Variants in CCPG1 observed in about 807,000 individuals in gnomAD.
CCPG1 encodes the protein cell cycle progression protein 1.
In CCPG1, 46 loss-of-function variants were observed where a neutral mutation model predicts 81.3. The ratio of observed to expected loss-of-function variants is 0.57; its 90% confidence interval spans 0.45 to 0.72. The LOEUF (loss-of-function observed/expected upper bound fraction) is 0.72. Among genes scored for constraint, CCPG1 ranks in the 30% least tolerant of loss-of-function variants. The pLI is 0.00. For missense variants in CCPG1, 902 were observed against 937.6 expected (o/e 0.96, Z 0.50); for synonymous variants, 330 against 305.2 (o/e 1.08, Z -0.85).
Position 55,359,634 on chromosome 15 carries a change from T to A in CCPG1, c.2139A>T (p.Glu713Asp), listed in dbSNP as rs777297698. The A allele has an allele frequency of 3.7e-6, 6 of 1,613,296 alleles. No homozygotes were observed. In the African/African-American group the frequency reaches 8.0e-5, roughly 22 times the overall value. The stretch of plus-strand genomic sequence containing the variant: ...ATACTCCATCATTATCTACTTCATA[T>A]TCCTTCATGTTTCTAAGATAATCTT... The part of the protein sequence containing the change: ...DVKDYLRNMK[E>D]YEVDNDGVFE... Residue 713 changes from glutamate to aspartate, a missense_variant, in exon 8 of 9, where the codon GAA becomes GAT. Glu to Asp is a conservative substitution (Grantham distance 45, BLOSUM62 2). Coordinates refer to ENST00000442196, the MANE Select transcript of CCPG1 (RefSeq NM_001204450.2).
Position 55,403,182 on chromosome 15 carries a change from A to G in CCPG1, c.-10+5039T>C, listed in dbSNP as rs763332772. Among the ~76,000 whole-genome samples, 133 of 152,316 alleles carry G rather than the reference A, an allele frequency of 8.7e-4. 1 individual carries two copies. The highest frequency in any genetic ancestry group is 1.6e-3 in the Non-Finnish European group (110 of 68,028). On this transcript the variant is annotated intron_variant, in intron 1 of 8. Transcript: ENST00000442196. ...ACTTACAAAGCAATTTCATTTTCAT[A>G]TCTGATTTAATCTTCACAAATACCC...
At chr15:55,404,630 G>C (rs2057182561) in intron 1 of CCPG1, among the ~76,000 whole-genome samples, 1 of 152,174 alleles carries the variant, frequency 6.6e-6, no homozygotes, top group South Asian at 2.1e-4. Context: ...AAAGAAACCA[G>C]ATCAAAAGAT....
intron 1 of CCPG1, among the ~76,000 whole-genome samples, chr15:55,399,094 C>A (rs1595866383): frequency 6.6e-6 from 1 of 151,944 alleles, no homozygotes; most frequent in Non-Finnish European, 1.5e-5. Context: ...AAGAAAAGTA[C>A]TTTTTGAAGA....
At chr15:55,362,855 C>T (rs968399441) in intron 7 of CCPG1, among the ~76,000 whole-genome samples, 3 of 142,696 alleles carry the variant, frequency 2.1e-5, no homozygotes, top group African/African-American at 9.0e-5. Flanking sequence ...GCCTGGGCAA[C>T]ATAGTGAGAC....
chr15:55,384,472 C>T (rs979883549), intron 3 of CCPG1, among the ~76,000 whole-genome samples: 1 of 152,084 alleles, frequency 6.6e-6, no homozygotes, highest in Admixed American at 6.6e-5. Context: ...CCAGGCTAAC[C>T]AACATGATGA....
intron 8 of CCPG1, 141 bp downstream of exon 8, chr15:55,359,398 T>G: frequency 7.0e-7 from 1 of 1,418,866 alleles, no homozygotes. Flanking sequence ...ATCTTTCAAT[T>G]TATTCTGAAT....
intron 6 of CCPG1, 60 bp from the exon 7 acceptor site, chr15:55,365,369 G>T: frequency 1.0e-5 from 10 of 959,376 alleles, no homozygotes; most frequent in South Asian, 3.2e-5. Context: ...AATGTTTTAT[G>T]TATTTTTTAA....
chr15:55,373,599 C>G (rs2056498887), intron 5 of CCPG1, among the ~76,000 whole-genome samples: 1 of 152,076 alleles, frequency 6.6e-6, no homozygotes. Context: ...TCTGGTTATT[C>G]TTGATCACTA....
At chr15:55,395,795 T>C (rs1021063135) in intron 1 of CCPG1, among the ~76,000 whole-genome samples, 1 of 152,146 alleles carries the variant, frequency 6.6e-6, no homozygotes, top group Non-Finnish European at 1.5e-5. Context: ...TAAATACATA[T>C]TAAGCAATCA....
Position 55,360,430 on chromosome 15 carries a change from C to G in CCPG1, c.1343G>C (p.Trp448Ser), listed in dbSNP as rs2056167532. The G allele has an allele frequency of 6.2e-7, 1 of 1,613,772 alleles. No individual in the cohort carries two copies. The highest frequency in any genetic ancestry group is 1.3e-5 in the African/African-American group (1 of 74,902). Reference sequence around the variant, plus strand: ...TTTTGCCTCAACATACAATCTTTCCCACAAATCAGAACGCTGCTGTTCGAA... The same window carrying G: ...TTTTGCCTCAACATACAATCTTTCCGACAAATCAGAACGCTGCTGTTCGAA... Reference protein sequence around the residue: ...LTFEQQRSDLWERLYVEAKDQ... With the variant: ...LTFEQQRSDLSERLYVEAKDQ... The change falls in exon 8 of 9, where the codon TGG (tryptophan) becomes TCG (serine). Residue 448 changes from tryptophan (W) to serine (S), a missense_variant. Around this residue, in one of 3 missense-constraint regions of CCPG1, gnomAD observed 746 missense variants for 728.6 expected, o/e 1.02. Transcript: ENST00000442196.
intron 1 of CCPG1, among the ~76,000 whole-genome samples, chr15:55,396,283 T>C (rs577365644): frequency 1.3e-5 from 2 of 152,106 alleles, no homozygotes; most frequent in Non-Finnish European, 2.9e-5. Context: ...AATTTAGAAA[T>C]AAGCAGAATT....
intron 3 of CCPG1, among the ~76,000 whole-genome samples, chr15:55,382,335 TTG>T (rs1373239237): frequency 6.6e-6 from 1 of 152,196 alleles, no homozygotes. Flanking sequence ...TTAACTAAGT[TTG>T]TGTAATATTC....
At chr15:55,356,430 T>C in intron 8 of CCPG1, 21 bp from the exon 9 acceptor site, 1 of 1,483,670 alleles carries the variant, frequency 6.7e-7, no homozygotes, top group Non-Finnish European at 9.0e-7. Context: ...TAAACACATT[T>C]TTCATCTATG....
rs1490551306 is a variant in CCPG1, at chr15:55,360,518, T to C, written c.1255A>G (p.Thr419Ala). 1.2e-6 allele frequency: 2 copies of C among 1,614,142 alleles called. No homozygotes were observed. The highest frequency in any genetic ancestry group is 2.2e-5 in the East Asian group (1 of 44,886). ...HGKSDSPNVY[T>A]EKKEIAILRE... ...AAGATTGCTATTTCCTTTTTTTCAG[T>C]ATATACATTGGGAGAATCTGACTTG... Residue 419 changes from threonine (T) to alanine (A), a missense_variant, in exon 8 of 9, where the codon ACT (threonine) becomes GCT (alanine). Physicochemically the swap from Thr to Ala is moderately conservative, Grantham distance 58. Around this residue, in one of 3 missense-constraint regions of CCPG1, gnomAD observed 746 missense variants for 728.6 expected, o/e 1.02. Coordinates refer to ENST00000442196, the MANE Select transcript of CCPG1 (RefSeq NM_001204450.2).
intron 1 of CCPG1, among the ~76,000 whole-genome samples, chr15:55,403,405 TAAA>T (rs34854989): frequency 1.4e-5 from 2 of 143,834 alleles, no homozygotes; most frequent in Non-Finnish European, 3.1e-5. Context: ...GATAAGTACT[TAAA>T]AAAAAAAAAA....
At chr15:55,407,161 G>A (rs765404199) in intron 1 of CCPG1, among the ~76,000 whole-genome samples, 4 of 151,520 alleles carry the variant, frequency 2.6e-5, no homozygotes, top group Non-Finnish European at 5.9e-5. Context: ...CTGGAAGGCA[G>A]AGGTTGCAGT....
Position 55,356,114 on chromosome 15 carries a change from AAAG to A in CCPG1, c.*103_*105del, listed in dbSNP as rs2056073101. The A allele has an allele frequency of 1.1e-6, 1 of 871,952 alleles. No individual in the cohort carries two copies. Among genetic ancestry groups the A allele is most frequent in the Non-Finnish European group, 1.7e-6 (1 of 583,332 alleles). The allele number at this position is 871,952 out of a possible 1,614,324, so 54.0% of individuals were successfully genotyped here. On this transcript the variant is annotated 3_prime_UTR_variant, in exon 9 of 9. Coordinates refer to ENST00000442196, the MANE Select transcript of CCPG1 (RefSeq NM_001204450.2). ...GTTATCAAACTGATACTTAGAAACA[AAAG>A]AAAAGACATTGTCATCTTGGTAATT... is the stretch of plus-strand genomic sequence containing the variant.
chr15:55,369,058 G>A (rs988108695), intron 6 of CCPG1, among the ~76,000 whole-genome samples: 1 of 152,076 alleles, frequency 6.6e-6, no homozygotes, highest in Non-Finnish European at 1.5e-5. Flanking sequence ...GTGGCAGTGA[G>A]CCAAGATCAT....
At position 55,360,693 on chromosome 15, in the gene CCPG1, C is replaced by T. The variant is rs753881620; in HGVS notation, c.1080G>A (p.Glu360=). 25 of 1,613,556 alleles carry T rather than the reference C, an allele frequency of 1.5e-5. No homozygotes were observed. The South Asian group carries it at 2.6e-4, about 17-fold the overall frequency. The change falls in exon 8 of 9, where the codon GAG becomes GAA. Residue 360 remains glutamate (E), a synonymous_variant. Transcript: ENST00000442196. ...ENQKLKQHLE[E]EKQKKHSFLS... Reference sequence around the variant, plus strand: ...GAAAGCTGTGTTTTTTCTGCTTTTCCTCTTCCAAATGCTGCTTAAGTTTCT... The same window carrying T: ...GAAAGCTGTGTTTTTTCTGCTTTTCTTCTTCCAAATGCTGCTTAAGTTTCT...
Sources: allele counts gnomAD v4.1 joint callset (sites outside exome capture counted in the v4.1 genomes callset), GRCh38; gene constraint gnomAD v4.1.1; regional missense constraint gnomAD v4.1.1; transcripts MANE v1.5; gene names NCBI Gene and HGNC (gene_info 2026-07-23, HGNC 2026-07-21).